Variants in BBS4 observed in about 807,000 individuals in gnomAD.
The protein encoded by BBS4 is Bardet-Biedl syndrome 4, also known as BBSome complex member BBS4.
A neutral mutation model predicts 71.4 loss-of-function variants in BBS4; 58 were observed. The observed-to-expected ratio is 0.81, with a 90% confidence interval of 0.66 to 1.01. The LOEUF (loss-of-function observed/expected upper bound fraction) is 1.01. Ranked by LOEUF, BBS4 falls within the 50% of genes least tolerant of loss-of-function variation. BBS4 has a pLI of 0.00. For missense variants in BBS4, 660 were observed against 607.9 expected (o/e 1.09, Z -0.90); for synonymous variants, 228 against 216.8 (o/e 1.05, Z -0.46).
Position 72,724,508 on chromosome 15 carries a change from T to C in BBS4, c.460-20T>C, listed in dbSNP as rs200203402. 1.7e-4 allele frequency: 272 copies of C among 1,613,518 alleles called. 1 individual carries two copies. The highest frequency in any genetic ancestry group is 1.2e-4 in the Non-Finnish European group (139 of 1,179,582). On this transcript the variant is annotated intron_variant, in intron 7 of 15. Transcript: ENST00000268057. ...TCAGTGGTAGTGATTTGGTTTTCTT[T>C]ATTTTGTTAAACTTGTCAGGCACAA... is the stretch of plus-strand genomic sequence containing the variant.
At chr15:72,737,079 T>TATA in intron 15 of BBS4, 116 bp downstream of exon 15, 1 of 1,290,452 alleles carries the variant, frequency 7.7e-7, no homozygotes, top group South Asian at 1.2e-5. Flanking sequence ...AACGTAGTAT[T>TATA]GGCCACAAGG....
Position 72,731,363 on chromosome 15 carries a change from C to A in BBS4, c.770C>A (p.Thr257Asn). The change falls in exon 11 of 16, where the codon ACC (threonine) becomes AAC (asparagine). Residue 257 changes from threonine (T) to asparagine (N), a missense_variant. Physicochemically the swap from Thr to Asn is moderately conservative, Grantham distance 65. Coordinates refer to ENST00000268057, the MANE Select transcript of BBS4 (RefSeq NM_033028.5). ...QTHGDFDVAL[T>N]KYRVVACAVP... Reference sequence around the variant, plus strand: ...CACGGGGACTTTGATGTTGCCCTCACCAAATACAGAGTTGTGGCTTGTGCT... The same window carrying A: ...CACGGGGACTTTGATGTTGCCCTCAACAAATACAGAGTTGTGGCTTGTGCT... The A allele has an allele frequency of 6.2e-7, 1 of 1,614,092 alleles. No individual in the cohort carries two copies. The highest frequency in any genetic ancestry group is 8.5e-7 in the Non-Finnish European group (1 of 1,180,016).
At chr15:72,734,974 T>C (rs148023330) in intron 12 of BBS4, 139 bp from the exon 13 acceptor site, 21,253 of 692,026 alleles carry the variant, frequency 0.031, 424 homozygotes, top group Non-Finnish European at 0.038. Flanking sequence ...TGGTTGAAGA[T>C]AGCACCAGGT....
At chr15:72,729,815 A>AG in intron 10 of BBS4, 131 bp downstream of exon 10, 1 of 749,774 alleles carries the variant, frequency 1.3e-6, no homozygotes, top group Non-Finnish European at 2.3e-6. Flanking sequence ...AATATAAATA[A>AG]AAGGTGGCTC....
At chr15:72,703,550 A>G (rs2065213117) in intron 2 of BBS4, among the ~76,000 whole-genome samples, 1 of 152,188 alleles carries the variant, frequency 6.6e-6, no homozygotes, top group African/African-American at 2.4e-5. Context: ...CATTTATTGA[A>G]TGACTATTTT....
At chr15:72,732,070 A>G (rs1345676620) in intron 12 of BBS4, among the ~76,000 whole-genome samples, 2 of 152,210 alleles carry the variant, frequency 1.3e-5, no homozygotes, top group African/African-American at 4.8e-5. Flanking sequence ...GGTTTTAGGT[A>G]GGGTCCTGCC....
At chr15:72,687,270 C>G (rs1359138674) in intron 1 of BBS4, among the ~76,000 whole-genome samples, 1 of 151,362 alleles carries the variant, frequency 6.6e-6, no homozygotes, top group Non-Finnish European at 1.5e-5. Flanking sequence ...AGGCGCCTGC[C>G]ACCACGCCCG....
chr15:72,699,892 ATGAG>A (rs2065140194), intron 2 of BBS4, among the ~76,000 whole-genome samples: 1 of 152,172 alleles, frequency 6.6e-6, no homozygotes, highest in Non-Finnish European at 1.5e-5. Flanking sequence ...TCTCCTGTTA[ATGAG>A]TATTTGCAAT....
At chr15:72,716,557 A>T (rs961780864) in intron 5 of BBS4, among the ~76,000 whole-genome samples, 1 of 152,194 alleles carries the variant, frequency 6.6e-6, no homozygotes, top group African/African-American at 2.4e-5. Context: ...TTGGTATAGA[A>T]TGAGACCAAG....
At chr15:72,700,877 C>T (rs1361109567) in intron 2 of BBS4, among the ~76,000 whole-genome samples, 1 of 152,086 alleles carries the variant, frequency 6.6e-6, no homozygotes, top group Non-Finnish European at 1.5e-5. Flanking sequence ...TGTGTGTCCT[C>T]TCCCTTTTCT....
rs1326322738 is a variant in BBS4, at chr15:72,737,911, C to G, written c.*324C>G. 2 of 458,722 alleles carry G rather than the reference C, an allele frequency of 4.4e-6. No individual in the cohort carries two copies. Among genetic ancestry groups the G allele is most frequent in the Non-Finnish European group, 8.7e-6 (2 of 229,944 alleles). The allele number at this position is 458,722 out of a possible 1,614,324, so 28.4% of individuals were successfully genotyped here. Reference sequence around the variant, plus strand: ...GCTGTCTGCTTTCAAAAGGACTTTTCTCTCCTAGCTGACTGACTCCTTCCT... The same window carrying G: ...GCTGTCTGCTTTCAAAAGGACTTTTGTCTCCTAGCTGACTGACTCCTTCCT... On this transcript the variant is annotated 3_prime_UTR_variant, in exon 16 of 16. Transcript: ENST00000268057.
intron 7 of BBS4, among the ~76,000 whole-genome samples, chr15:72,723,490 C>T (rs1372212796): frequency 6.6e-6 from 1 of 152,124 alleles, no homozygotes; most frequent in African/African-American, 2.4e-5. Flanking sequence ...TGGGTAGTTT[C>T]CTTCATAGAG....
intron 8 of BBS4, 139 bp from the exon 9 acceptor site, chr15:72,727,801 A>G (rs780856127): frequency 8.5e-6 from 6 of 705,290 alleles, no homozygotes; most frequent in Non-Finnish European, 1.5e-5. Flanking sequence ...GCAATTCCCA[A>G]ATTGCCTTCA....
rs141903251 is a variant in BBS4 at position 72,716,817 on chromosome 15, T to C, written c.372T>C (p.Tyr124=). ...AACATAAAGCTGCCATTGAAGTATA[T>C]AATGAAGCAGCTAAACTCAACCAGA... is the stretch of plus-strand genomic sequence containing the variant. The part of the protein sequence containing the change: ...LGKHKAAIEV[Y]NEAAKLNQKD... The change falls in exon 6 of 16, where the codon TAT becomes TAC. Residue 124 remains tyrosine (Y), a synonymous_variant. Coordinates refer to ENST00000268057, the MANE Select transcript of BBS4 (RefSeq NM_033028.5). The C allele has an allele frequency of 1.5e-4, 246 of 1,610,786 alleles. 1 individual carries two copies. The highest frequency in any genetic ancestry group is 7.1e-4 in the Middle Eastern group (4 of 5,642).
chr15:72,718,580 T>C (rs1251448202), intron 6 of BBS4, among the ~76,000 whole-genome samples: 2 of 152,354 alleles, frequency 1.3e-5, no homozygotes, highest in African/African-American at 2.4e-5. Context: ...CATCGGAAGA[T>C]TGAGTTGAGT....
intron 14 of BBS4, 49 bp downstream of exon 14, chr15:72,736,015 C>G: frequency 1.9e-6 from 3 of 1,609,906 alleles, no homozygotes; most frequent in Non-Finnish European, 1.7e-6. Flanking sequence ...TCTCAGGAGA[C>G]TTTTAAAAAT....
At chr15:72,687,906 T>TG (rs2064895401) in intron 1 of BBS4, among the ~76,000 whole-genome samples, 1 of 150,210 alleles carries the variant, frequency 6.7e-6, no homozygotes, top group Admixed American at 6.6e-5. Flanking sequence ...CACTGCAGCC[T>TG]GGGCATCCAG....
intron 1 of BBS4, among the ~76,000 whole-genome samples, chr15:72,692,303 A>G (rs1354646610): frequency 8.0e-6 from 1 of 124,860 alleles, no homozygotes; most frequent in East Asian, 2.4e-4. Flanking sequence ...TTTACATTGC[A>G]ATTTTTTTTT....
intron 1 of BBS4, among the ~76,000 whole-genome samples, chr15:72,691,478 T>C (rs1015253099): frequency 6.6e-6 from 1 of 152,182 alleles, no homozygotes; most frequent in African/African-American, 2.4e-5. Context: ...TATATTAATA[T>C]TTTGTACTTT....
Sources: gnomAD v4.1 joint callset for allele counts (sites outside exome capture counted in the v4.1 genomes callset) on GRCh38, gnomAD v4.1.1 for gene constraint, MANE v1.5 for transcripts, NCBI Gene and HGNC (gene_info 2026-07-23, HGNC 2026-07-21) for gene names.